The following DTX2 variants were observed in gnomAD, a reference collection of about 807,000 sequenced individuals.
The protein encoded by DTX2 is probable E3 ubiquitin-protein ligase DTX2.
Under a neutral mutation model 55.3 loss-of-function variants are expected in DTX2, and 29 were observed. That is an observed-to-expected ratio of 0.52 (90% CI 0.39 to 0.71). DTX2 has a LOEUF of 0.71. Among genes scored for constraint, DTX2 ranks in the 30% least tolerant of loss-of-function variants. The pLI, the probability that DTX2 is intolerant of heterozygous loss-of-function variation, is 0.00. For synonymous variants in DTX2, 276 were observed against 340.4 expected, an observed-to-expected ratio of 0.81 and a Z score of 2.08; for missense variants, 537 against 822.5, an observed-to-expected ratio of 0.65 and a Z score of 4.25.
rs1431822729 is a variant in DTX2 at position 76,472,313 on chromosome 7, T to TTATATTTA, written c.-89-8107_-89-8106insATATTTAT. Among the ~76,000 whole-genome samples the TTATATTTA allele has an allele frequency of 3.2e-4, 37 of 115,076 alleles. 1 individual carries two copies. The highest frequency in any genetic ancestry group is 6.7e-4 in the Non-Finnish European group (36 of 53,832). The allele number at this position is 115,076 out of a possible 152,430, so 75.5% of individuals were successfully genotyped here. On this transcript the variant is annotated intron_variant, in intron 2 of 10. Transcript: ENST00000430490. Reference sequence around the variant, plus strand: ...TATATTTATGACCTTTTAAAAGTGTTTGGCATTTTAAGGGAGGTTTGTTTT... The same window carrying TTATATTTA: ...TATATTTATGACCTTTTAAAAGTGTTTATATTTATGGCATTTTAAGGGAGGTTTGTTTT...
Position 76,504,724 on chromosome 7 carries a change from G to T in DTX2, c.1641+279G>T, listed in dbSNP as rs569179504. The stretch of plus-strand genomic sequence containing the variant: ...GTGTGACAGGCAGGGACCGGGGGCT[G>T]TGTTAGACCAGGTGACCACGGAAGG... On this transcript the variant is annotated intron_variant, in intron 10 of 10. Coordinates refer to ENST00000430490, the MANE Select transcript of DTX2 (RefSeq NM_001102594.3). Among the ~76,000 whole-genome samples, 11 of 152,328 alleles carry T rather than the reference G, an allele frequency of 7.2e-5. No individual in the cohort carries two copies. In the South Asian group the frequency reaches 2.3e-3, roughly 32 times the overall value.
intron 2 of DTX2, among the ~76,000 whole-genome samples, chr7:76,479,717 G>A (rs1286147060): frequency 2.6e-5 from 4 of 151,492 alleles, no homozygotes; most frequent in Admixed American, 1.3e-4. Flanking sequence ...CCCGGGAGGT[G>A]GAGGTTGCAG....
chr7:76,477,826 A>G (rs879556185), intron 2 of DTX2, among the ~76,000 whole-genome samples: 20 of 133,802 alleles, frequency 1.5e-4, no homozygotes, highest in Admixed American at 1.5e-3. Context: ...ATAAATAAAT[A>G]AATAAATAAA....
chr7:76,505,205 C>G lies in DTX2; in HGVS notation c.1642-169C>G, dbSNP rs1168323605. Among the ~76,000 whole-genome samples the G allele has an allele frequency of 2.0e-5, 3 of 152,052 alleles. No homozygotes were observed. The highest frequency in any genetic ancestry group is 4.4e-5 in the Non-Finnish European group (3 of 67,976). On this transcript the variant is annotated intron_variant, in intron 10 of 10. Coordinates refer to ENST00000430490, the MANE Select transcript of DTX2 (RefSeq NM_001102594.3). This position sits in a 1 kb window ranked among gnomAD's most constrained non-coding sequence, Gnocchi z 4.4. ...TTCATGTGGGATCCTAATGTACTAT[C>G]CAGTGGGCAGTTTTGGGGTCCCTGC... is the stretch of plus-strand genomic sequence containing the variant.
intron 2 of DTX2, among the ~76,000 whole-genome samples, chr7:76,467,854 G>T (rs1330837764): frequency 6.6e-6 from 1 of 152,044 alleles, no homozygotes. Context: ...GGAATTAAGA[G>T]ATGAGTAAGT....
intron 2 of DTX2, chr7:76,475,021 CTT>C (rs1298375886): frequency 6.6e-6 from 1 of 151,776 alleles, no homozygotes; most frequent in Non-Finnish European, 1.5e-5. Flanking sequence ...AAAAAAAAAA[CTT>C]TGGCCAGGTG....
chr7:76,504,914 C>T (rs1479470486), intron 10 of DTX2, among the ~76,000 whole-genome samples: 1 of 151,990 alleles, frequency 6.6e-6, no homozygotes, highest in Admixed American at 6.5e-5. Context: ...GTTCTGAGCG[C>T]CCAGCGAAGC....
chr7:76,486,846 GGCT>G (rs370235862), intron 4 of DTX2, among the ~76,000 whole-genome samples: 2,560 of 78,430 alleles, frequency 0.033, 2 homozygotes, highest in African/African-American at 0.075. Flanking sequence ...TGTTGTGGTG[GGCT>G]GCTGCTGCTG....
rs776334760 is a variant in DTX2 at position 76,505,875 on chromosome 7, G to A, written c.*274G>A. The stretch of plus-strand genomic sequence containing the variant: ...GTCCTCTGGGGGCTGCTTCGGGCCC[G>A]CGGTGCTCGGGGCCTGGTGTGGGGC... On this transcript the variant is annotated 3_prime_UTR_variant, in exon 11 of 11. Coordinates refer to ENST00000430490, the MANE Select transcript of DTX2 (RefSeq NM_001102594.3). The surrounding 1 kb of genome is among the most constrained non-coding windows in gnomAD (Gnocchi z 4.4). 91 of 573,758 alleles carry A rather than the reference G, an allele frequency of 1.6e-4. No individual in the cohort carries two copies. Among genetic ancestry groups the A allele is most frequent in the Admixed American group, 6.2e-4 (20 of 32,164 alleles). 35.5% of individuals were successfully genotyped at this position (573,758 alleles called of 1,614,324 possible). A position where few individuals can be genotyped will look rare whatever the true frequency, so the allele number is the denominator to read the frequency against.
chr7:76,499,554 T>C (rs1416079301), intron 6 of DTX2, among the ~76,000 whole-genome samples: 1 of 150,764 alleles, frequency 6.6e-6, no homozygotes, highest in Non-Finnish European at 1.5e-5. Flanking sequence ...AGCCCCACCA[T>C]GACCTTGGGG....
At position 76,505,212 on chromosome 7, in the gene DTX2, G is replaced by T. The variant is rs569218339; in HGVS notation, c.1642-162G>T. The stretch of plus-strand genomic sequence containing the variant: ...GGGATCCTAATGTACTATCCAGTGG[G>T]CAGTTTTGGGGTCCCTGCAGATGGG... On this transcript the variant is annotated intron_variant, in intron 10 of 10. Transcript: ENST00000430490. The surrounding 1 kb of genome is among the most constrained non-coding windows in gnomAD (Gnocchi z 4.4). 1.3e-5 allele frequency among the ~76,000 whole-genome samples: 2 copies of T among 152,222 alleles called. No homozygotes were observed. Among genetic ancestry groups the T allele is most frequent in the South Asian group, 4.1e-4 (2 of 4,824 alleles).
intron 1 of DTX2, among the ~76,000 whole-genome samples, chr7:76,463,085 A>G (rs1170019069): frequency 8.4e-6 from 1 of 118,586 alleles, no homozygotes. Flanking sequence ...AAAAACAAAC[A>G]AACTAAAAAA....
chr7:76,467,827 G>A (rs995913890), intron 2 of DTX2, among the ~76,000 whole-genome samples: 3 of 151,516 alleles, frequency 2.0e-5, no homozygotes, highest in East Asian at 2.0e-4. Context: ...GATCTCACAG[G>A]GCAGAGTCTT....
At chr7:76,467,702 A>G (rs1807325455) in intron 2 of DTX2, among the ~76,000 whole-genome samples, 1 of 145,068 alleles carries the variant, frequency 6.9e-6, no homozygotes, top group Admixed American at 7.2e-5. Flanking sequence ...CTTGCCTTTA[A>G]GGAGCGTATG....
At position 76,503,283 on chromosome 7, in the gene DTX2, C is replaced by T. The variant is rs1286689678; in HGVS notation, c.1390-143C>T. 3 of 885,028 alleles carry T rather than the reference C, an allele frequency of 3.4e-6. No individual in the cohort carries two copies. The African/African-American group carries it at 5.1e-5, about 15-fold the overall frequency. The allele number at this position is 885,028 out of a possible 1,614,324, so 54.8% of individuals were successfully genotyped here. A position where few individuals can be genotyped will look rare whatever the true frequency, so the allele number is the denominator to read the frequency against. ...GCTTTCCAGGGAAGCTGTTGGAAGCCAGTTTCCGGGCAGGAGGCTGCCAGC... is the reference window on the plus strand; with the variant it reads ...GCTTTCCAGGGAAGCTGTTGGAAGCTAGTTTCCGGGCAGGAGGCTGCCAGC... On this transcript the variant is annotated intron_variant, in intron 8 of 10. Transcript: ENST00000430490.
At chr7:76,499,975 A>G in intron 6 of DTX2, 2 of 362,952 alleles carry the variant, frequency 5.5e-6, no homozygotes, top group Non-Finnish European at 1.1e-5. Context: ...AGCTGCCTGT[A>G]CATGCTGGAC....
intron 2 of DTX2, among the ~76,000 whole-genome samples, chr7:76,469,361 T>TATA (rs1554631125): frequency 1.1e-4 from 7 of 63,252 alleles, no homozygotes; most frequent in African/African-American, 6.2e-4. Context: ...GAAATCTAGA[T>TATA]TTTTTTTTTT....
Position 76,505,441 on chromosome 7 carries a change from C to A in DTX2, c.1709C>A (p.Thr570Lys). 6.2e-7 allele frequency: 1 copy of A among 1,604,488 alleles called. No individual in the cohort carries two copies. Among genetic ancestry groups the A allele is most frequent in the East Asian group, 2.3e-5 (1 of 44,350 alleles). Residue 570 changes from threonine to lysine, a missense_variant, in exon 11 of 11, where the codon ACG becomes AAG. Around this residue, in one of 7 missense-constraint regions of DTX2, gnomAD observed 33 missense variants for 48.4 expected, o/e 0.68. Coordinates refer to ENST00000430490, the MANE Select transcript of DTX2 (RefSeq NM_001102594.3). This position sits in a 1 kb window ranked among gnomAD's most constrained non-coding sequence, Gnocchi z 4.4. ...LIFTVGTSST[T>K]GETDTVVWNE... ...TTCACAGTGGGCACGTCCAGCACCA[C>A]GGGTGAGACGGACACCGTGGTATGG...
intron 2 of DTX2, among the ~76,000 whole-genome samples, chr7:76,464,443 A>AT (rs1441907382): frequency 2.1e-5 from 3 of 143,830 alleles, no homozygotes; most frequent in African/African-American, 5.6e-5. Context: ...TTTATTAATT[A>AT]TTTTTTTGAG....
Sources: gnomAD v4.1 joint callset for allele counts (sites outside exome capture counted in the v4.1 genomes callset) on GRCh38, gnomAD v4.1.1 for gene constraint, gnomAD v4.1.1 regional missense constraint, Gnocchi (gnomAD v3.1) non-coding constraint, MANE v1.5 for transcripts, NCBI Gene and HGNC (gene_info 2026-07-23, HGNC 2026-07-21) for gene names.